The following MED25 variants were observed in gnomAD, a reference collection of about 807,000 sequenced individuals.
MED25 encodes mediator of RNA polymerase II transcription subunit 25.
A neutral mutation model predicts 89.4 loss-of-function variants in MED25; 62 were observed. The ratio of observed to expected loss-of-function variants is 0.69; its 90% CI spans 0.57 to 0.86. The LOEUF is 0.86. Ranked by LOEUF, MED25 falls within the 40% of genes least tolerant of loss-of-function variation. The pLI is 0.00. For missense variants in MED25, 905 were observed against 1,005.2 expected, an observed-to-expected ratio of 0.90 and a Z score of 1.35; for synonymous variants, 449 against 427.9, an observed-to-expected ratio of 1.05 and a Z score of -0.61.
In MED25 at chr19:49,836,212, C is replaced by A. The variant is rs907556000; in HGVS notation, c.1966-14C>A. ...CTACCAGGAGCCTCTGAGCCACTCT[C>A]TGTGTTCTCCCAGCCGCAGACTGGG... On this transcript the variant is annotated splice_polypyrimidine_tract_variant and intron_variant, in intron 16 of 17. Coordinates refer to ENST00000312865, the MANE Select transcript of MED25 (RefSeq NM_030973.4). This position sits in a 1 kb window ranked among gnomAD's most constrained non-coding sequence, Gnocchi z 5.1. The A allele has an allele frequency of 6.2e-7, 1 of 1,611,416 alleles. No individual in the cohort carries two copies. The highest frequency in any genetic ancestry group is 1.1e-5 in the South Asian group (1 of 90,990).
At chr19:49,838,974 T>C (rs2074117482), downstream of MED25, 1 of 354,384 alleles carries the variant, frequency 2.8e-6, no homozygotes, top group Non-Finnish European at 5.5e-6. Context: ...CAGAAACACA[T>C]GACTGTTGAG....
chr19:49,826,519 G>T (rs2074016825), intron 3 of MED25, among the ~76,000 whole-genome samples: 1 of 152,220 alleles, frequency 6.6e-6, no homozygotes, highest in Admixed American at 6.5e-5. Flanking sequence ...GAAGCGGAGA[G>T]CCCCGCTGCA....
In MED25 at chr19:49,829,797, C is replaced by T; in HGVS notation, c.537C>T (p.His179=). 1 of 1,597,192 alleles carries T rather than the reference C, an allele frequency of 6.3e-7. No homozygotes were observed. The highest frequency in any genetic ancestry group is 8.5e-7 in the Non-Finnish European group (1 of 1,172,056). Residue 179 remains histidine (H), a synonymous_variant, in exon 6 of 18, where the codon CAC becomes CAT. Transcript: ENST00000312865. The surrounding 1 kb of genome is among the most constrained non-coding windows in gnomAD (Gnocchi z 4.6). ...LVQQIGERGI[H]FSIVSPRKLP... Reference sequence around the variant, plus strand: ...CCCCTCTCCTACAGCGGGGGATCCACTTCTCCATTGTGTCTCCCCGGAAGC... The same window carrying T: ...CCCCTCTCCTACAGCGGGGGATCCATTTCTCCATTGTGTCTCCCCGGAAGC...
chr19:49,818,853 AT>A (rs2073959513), intron 2 of MED25: 2 of 579,990 alleles, frequency 3.4e-6, no homozygotes, highest in African/African-American at 2.1e-5. Context: ...AGGGGCCCAG[AT>A]CCCTGGGTCT....
rs771948953 is a variant in MED25 at position 49,829,796 on chromosome 19, A to T, written c.536A>T (p.His179Leu). The T allele has an allele frequency of 2.5e-6, 4 of 1,596,150 alleles. No homozygotes were observed. The East Asian group carries it at 9.1e-5, about 36-fold the overall frequency. ...GCCCCTCTCCTACAGCGGGGGATCCACTTCTCCATTGTGTCTCCCCGGAAG... is the reference window on the plus strand; with the variant it reads ...GCCCCTCTCCTACAGCGGGGGATCCTCTTCTCCATTGTGTCTCCCCGGAAG... ...LVQQIGERGI[H>L]FSIVSPRKLP... The change falls in exon 6 of 18, where the codon CAC (histidine) becomes CTC (leucine). Residue 179 changes from histidine to leucine, a missense_variant. Around this residue, in one of 3 missense-constraint regions of MED25, gnomAD observed 501 missense variants for 526.9 expected, o/e 0.95. Coordinates refer to ENST00000312865, the MANE Select transcript of MED25 (RefSeq NM_030973.4). The surrounding 1 kb of genome is among the most constrained non-coding windows in gnomAD (Gnocchi z 4.6).
Position 49,829,145 on chromosome 19 carries a change from T to G in MED25, c.525+55T>G. 6.5e-7 allele frequency: 1 copy of G among 1,532,046 alleles called. No individual in the cohort carries two copies. Among genetic ancestry groups the G allele is most frequent in the Non-Finnish European group, 8.9e-7 (1 of 1,119,158 alleles). The allele number at this position is 1,532,046 out of a possible 1,614,324, so 94.9% of individuals were successfully genotyped here. A position where few individuals can be genotyped will look rare whatever the true frequency, so the allele number is the denominator to read the frequency against. On this transcript the variant is annotated intron_variant, in intron 5 of 17. Coordinates refer to ENST00000312865, the MANE Select transcript of MED25 (RefSeq NM_030973.4). This position sits in a 1 kb window ranked among gnomAD's most constrained non-coding sequence, Gnocchi z 4.6. ...GTCTGGGGGCCCGGAGTCTTGGGTC[T>G]GAGGCAGGAGGCACTGAGGGCCTGG...
chr19:49,838,809 A>C (rs916182632), downstream of MED25: 6 of 449,932 alleles, frequency 1.3e-5, no homozygotes, highest in Non-Finnish European at 2.2e-5. Flanking sequence ...TGAAAAAGGG[A>C]CTCAAATGTC....
At chr19:49,840,302 A>AAAAT (rs2074124780), downstream of MED25, 2 of 152,342 alleles carry the variant, frequency 1.3e-5, no homozygotes, top group East Asian at 3.9e-4. Context: ...TTTGAATTTA[A>AAAAT]AAATATAAAC....
rs113483619 is a variant in MED25, at chr19:49,831,933, C to T, written c.1231-3C>T. On this transcript the variant is annotated splice_polypyrimidine_tract_variant and splice_region_variant and intron_variant, in intron 10 of 17. Coordinates refer to ENST00000312865, the MANE Select transcript of MED25 (RefSeq NM_030973.4). This position sits in a 1 kb window ranked among gnomAD's most constrained non-coding sequence, Gnocchi z 5.0. ...TACTGACATGCTCTTTTTTCCCCCT[C>T]AGAAACCCAAACCTGCCTCAGTGGA... 36 of 1,613,854 alleles carry T rather than the reference C, an allele frequency of 2.2e-5. No individual in the cohort carries two copies. The highest frequency in any genetic ancestry group is 2.8e-5 in the Non-Finnish European group (33 of 1,179,920).
Position 49,830,669 on chromosome 19 carries a change from C to G in MED25, c.908-25C>G, listed in dbSNP as rs748315736. 1.2e-5 allele frequency: 20 copies of G among 1,613,580 alleles called. No homozygotes were observed. Among genetic ancestry groups the G allele is most frequent in the Middle Eastern group, 1.6e-4 (1 of 6,062 alleles). On this transcript the variant is annotated intron_variant, in intron 8 of 17. Coordinates refer to ENST00000312865, the MANE Select transcript of MED25 (RefSeq NM_030973.4). This position sits in a 1 kb window ranked among gnomAD's most constrained non-coding sequence, Gnocchi z 4.6. ...CCTCTCTCCACACACTTGTTCCCCA[C>G]TTCTTCCCTTGGTCTCTCCCACAGT...
rs112301759 is a variant in MED25, at chr19:49,827,836, T to C, written c.306-613T>C. On this transcript the variant is annotated intron_variant, in intron 3 of 17. Transcript: ENST00000312865. ...GAGAGGGGAGGGGACAGCAGGAGGC[T>C]GGGCATGGAGTCAGTCACTCCAGGG... Among the ~76,000 whole-genome samples, 537 of 152,186 alleles carry C rather than the reference T, an allele frequency of 3.5e-3. 4 individuals are homozygous for C. The highest frequency in any genetic ancestry group is 0.012 in the African/African-American group (508 of 41,518).
chr19:49,832,775 T>G, intron 13 of MED25: 1 of 353,248 alleles, frequency 2.8e-6, no homozygotes, highest in South Asian at 2.3e-5. Context: ...CTATCCCAGT[T>G]CTGGAGGCCA....
Position 49,835,825 on chromosome 19 carries a change from A to T in MED25, c.1845A>T (p.Pro615=). ...CCCAAGGTACTGCCCAGCCCCCGCCAGGTGCCCCTCAAGGCCCTCCTGGAG... is the reference window on the plus strand; with the variant it reads ...CCCAAGGTACTGCCCAGCCCCCGCCTGGTGCCCCTCAAGGCCCTCCTGGAG... The part of the protein sequence containing the change: ...PQPQGTAQPP[P]GAPQGPPGAA... Residue 615 remains proline, a synonymous_variant, in exon 16 of 18, where the codon CCA becomes CCT. Coordinates refer to ENST00000312865, the MANE Select transcript of MED25 (RefSeq NM_030973.4). The surrounding 1 kb of genome is among the most constrained non-coding windows in gnomAD (Gnocchi z 6.2). 1 of 1,609,766 alleles carries T rather than the reference A, an allele frequency of 6.2e-7. No homozygotes were observed. Among genetic ancestry groups the T allele is most frequent in the Non-Finnish European group, 8.5e-7 (1 of 1,177,816 alleles).
Position 49,831,811 on chromosome 19 carries a change from TG to T in MED25, c.1231-121del, listed in dbSNP as rs1250903038. On this transcript the variant is annotated intron_variant, in intron 10 of 17. Transcript: ENST00000312865. The surrounding 1 kb of genome is among the most constrained non-coding windows in gnomAD (Gnocchi z 5.0). ...GGCTTGCTGGTCTGGAGGAGGGGCC[TG>T]GGGCTCATGGGACTTAAACTGGGGA... The T allele has an allele frequency of 4.5e-6, 4 of 887,794 alleles. No individual in the cohort carries two copies. In the South Asian group the frequency reaches 5.5e-5, roughly 12 times the overall value. The allele number at this position is 887,794 out of a possible 1,614,324, so 55.0% of individuals were successfully genotyped here.
intron 3 of MED25, among the ~76,000 whole-genome samples, chr19:49,823,329 C>T (rs914672855): frequency 2.6e-5 from 4 of 152,118 alleles, no homozygotes; most frequent in African/African-American, 4.8e-5. Context: ...GGAGACTACC[C>T]AGTGTGTAAA....
chr19:49,835,580 A>G lies in MED25; in HGVS notation c.1721A>G (p.Asp574Gly), dbSNP rs754446184. Residue 574 changes from aspartate to glycine, a missense_variant, in exon 15 of 18, where the codon GAC becomes GGC. Asp to Gly is a moderately conservative substitution (Grantham distance 94). Transcript: ENST00000312865. The surrounding 1 kb of genome is among the most constrained non-coding windows in gnomAD (Gnocchi z 6.2). ...APPGLGPILEDQARPSQNLLQ... is the reference protein window; with the variant it reads ...APPGLGPILEGQARPSQNLLQ... ...CCAGGGCTGGGGCCCATTCTGGAGG[A>G]CCAAGCCAGGCCCTCACAGAATCTG... 3 of 1,566,278 alleles carry G rather than the reference A, an allele frequency of 1.9e-6. No homozygotes were observed. Among genetic ancestry groups the G allele is most frequent in the Non-Finnish European group, 2.6e-6 (3 of 1,156,090 alleles).
intron 13 of MED25, chr19:49,833,683 G>T (rs999201648): frequency 2.0e-5 from 3 of 152,218 alleles, no homozygotes; most frequent in African/African-American, 4.8e-5. Flanking sequence ...GGGCCATCTC[G>T]CTTGGCGACT....
At chr19:49,837,407 T>C (rs1449245365), downstream of MED25, among the ~76,000 whole-genome samples, 1 of 152,140 alleles carries the variant, frequency 6.6e-6, no homozygotes, top group Non-Finnish European at 1.5e-5. Flanking sequence ...AGCATGAGCA[T>C]GTAGGGAGCT....
chr19:49,818,298 C>T lies in MED25; in HGVS notation c.-44C>T, dbSNP rs760931667. 288 of 1,551,896 alleles carry T rather than the reference C, an allele frequency of 1.9e-4. No individual in the cohort carries two copies. The highest frequency in any genetic ancestry group is 4.7e-4 in the Admixed American group (24 of 51,498). ...AGGCGCATTTCTGCTCATTCCGCGG[C>T]GTCGGCTGCGGCTGCAGTGGTGGTG... On this transcript the variant is annotated 5_prime_UTR_variant, in exon 1 of 18. Transcript: ENST00000312865.
Sources: gnomAD v4.1 joint callset for allele counts (sites outside exome capture counted in the v4.1 genomes callset) on GRCh38, gnomAD v4.1.1 for gene constraint, gnomAD v4.1.1 regional missense constraint, Gnocchi (gnomAD v3.1) non-coding constraint, MANE v1.5 for transcripts, NCBI Gene and HGNC (gene_info 2026-07-23, HGNC 2026-07-21) for gene names.